The following DCBLD1 variants were observed in gnomAD, a reference collection of about 807,000 sequenced individuals.
DCBLD1 encodes the protein discoidin, CUB and LCCL domain-containing protein 1.
In DCBLD1, 57 loss-of-function variants were observed where a neutral mutation model predicts 71.5. The observed-to-expected ratio is 0.80, with a 90% CI of 0.64 to 0.99. The LOEUF (loss-of-function observed/expected upper bound fraction) is 0.99. Ranked by LOEUF, DCBLD1 falls within the 50% of genes least tolerant of loss-of-function variation. DCBLD1 has a pLI of 0.00. For missense variants in DCBLD1, 891 were observed against 923.5 expected (o/e 0.96, Z 0.46); for synonymous variants, 380 against 363.8 (o/e 1.04, Z -0.51).
At chr6:117,527,819 T>C (rs1490907817) in intron 5 of DCBLD1, among the ~76,000 whole-genome samples, 1 of 152,088 alleles carries the variant, frequency 6.6e-6, no homozygotes, top group African/African-American at 2.4e-5. Context: ...AAAGTCCTTT[T>C]TGAATTTTTG....
intron 1 of DCBLD1, among the ~76,000 whole-genome samples, chr6:117,497,945 T>C (rs1380299822): frequency 1.3e-5 from 2 of 152,224 alleles, no homozygotes; most frequent in African/African-American, 4.8e-5. Flanking sequence ...GTAAACACTT[T>C]AAATATTACA....
chr6:117,511,768 C>G (rs1778031237), intron 2 of DCBLD1, among the ~76,000 whole-genome samples: 1 of 152,052 alleles, frequency 6.6e-6, no homozygotes, highest in Non-Finnish European at 1.5e-5. Flanking sequence ...GTTTATATGT[C>G]TCTCAGACAT....
chr6:117,549,916 G>C (rs1049768933), downstream of DCBLD1: 13 of 936,460 alleles, frequency 1.4e-5, no homozygotes, highest in African/African-American at 1.8e-5. Flanking sequence ...TGCCAGATTA[G>C]GCCAGACCCC....
In DCBLD1 at chr6:117,548,545, T is replaced by TGTA; in HGVS notation, c.*107_*109dup. 1 of 1,496,426 alleles carries TGTA rather than the reference T, an allele frequency of 6.7e-7. No homozygotes were observed. Among genetic ancestry groups the TGTA allele is most frequent in the Non-Finnish European group, 8.9e-7 (1 of 1,127,880 alleles). 92.7% of individuals were successfully genotyped at this position (1,496,426 alleles called of 1,614,324 possible). A position where few individuals can be genotyped will look rare whatever the true frequency, so the allele number is the denominator to read the frequency against. ...GAGTGTGCGTGTGTATCGGTGTGTGTGTACACTTGCATGTGTGTGTGTGAT... is the reference window on the plus strand; with the variant it reads ...GAGTGTGCGTGTGTATCGGTGTGTGTGTAGTACACTTGCATGTGTGTGTGTGAT... On this transcript the variant is annotated 3_prime_UTR_variant, in exon 15 of 15. Transcript: ENST00000338728.
At chr6:117,518,832 G>GTGGGGACA (rs1418118676) in intron 2 of DCBLD1, among the ~76,000 whole-genome samples, 1 of 152,154 alleles carries the variant, frequency 6.6e-6, no homozygotes, top group Non-Finnish European at 1.5e-5. Flanking sequence ...TGAGATTTAG[G>GTGGGGACA]TGGGGACACA....
chr6:117,483,327 G>A (rs1582952133), intron 1 of DCBLD1, among the ~76,000 whole-genome samples: 1 of 152,350 alleles, frequency 6.6e-6, no homozygotes, highest in East Asian at 1.9e-4. Flanking sequence ...TCCTCGGCCG[G>A]CGCTGGGCCC....
At chr6:117,560,420 A>C (rs959566990) in intron 14 of DCBLD1, 1 of 188,758 alleles carries the variant, frequency 5.3e-6, no homozygotes, top group African/African-American at 2.3e-5. Flanking sequence ...ATTTGAGGCC[A>C]ACCATAAGTG....
intron 3 of DCBLD1, 80 bp downstream of exon 3, chr6:117,520,030 C>T (rs1460298033): frequency 6.3e-7 from 1 of 1,582,184 alleles, no homozygotes; most frequent in East Asian, 2.3e-5. Context: ...CATCCCTGGA[C>T]ATAATTGTGG....
chr6:117,513,233 A>G (rs1778081045), intron 2 of DCBLD1, among the ~76,000 whole-genome samples: 1 of 152,176 alleles, frequency 6.6e-6, no homozygotes, highest in Non-Finnish European at 1.5e-5. Flanking sequence ...TTATTCACAC[A>G]TGGAAAGATA....
At chr6:117,563,971 T>C (rs957578310) in intron 14 of DCBLD1, among the ~76,000 whole-genome samples, 2 of 145,110 alleles carry the variant, frequency 1.4e-5, no homozygotes, top group Non-Finnish European at 3.1e-5. Context: ...TTTCCTTTCC[T>C]TTTTTTTTTT....
At chr6:117,505,225 G>A (rs1777799107) in intron 2 of DCBLD1, among the ~76,000 whole-genome samples, 1 of 152,154 alleles carries the variant, frequency 6.6e-6, no homozygotes, top group African/African-American at 2.4e-5. Flanking sequence ...CAAATGGGCA[G>A]GATGACACTT....
At chr6:117,508,640 A>T (rs1214363437) in intron 2 of DCBLD1, among the ~76,000 whole-genome samples, 1 of 152,150 alleles carries the variant, frequency 6.6e-6, no homozygotes. Context: ...ATTTGAATTT[A>T]CTCAGAGGTT....
At chr6:117,486,012 TTAAAC>T (rs533779685) in intron 1 of DCBLD1, among the ~76,000 whole-genome samples, 450 of 152,368 alleles carry the variant, frequency 3.0e-3, no homozygotes, top group Non-Finnish European at 5.2e-3. Context: ...AAAAAATTCA[TTAAAC>T]AAATCAAATG....
chr6:117,510,571 G>A (rs527702199), intron 2 of DCBLD1, among the ~76,000 whole-genome samples: 3 of 152,252 alleles, frequency 2.0e-5, no homozygotes, highest in Non-Finnish European at 2.9e-5. Flanking sequence ...CAGGAATTAC[G>A]TTTTATTCAT....
At chr6:117,535,507 G>A (rs995163313) in intron 6 of DCBLD1, among the ~76,000 whole-genome samples, 14 of 151,970 alleles carry the variant, frequency 9.2e-5, no homozygotes, top group African/African-American at 3.4e-4. Context: ...TTCTTTAAGT[G>A]GTCTGTATTT....
rs1583026855 is a variant in DCBLD1 at position 117,540,580 on chromosome 6, G to C, written c.1102-88G>C. 25 of 1,500,082 alleles carry C rather than the reference G, an allele frequency of 1.7e-5. No individual in the cohort carries two copies. The East Asian group carries it at 5.7e-4, about 34-fold the overall frequency. The allele number at this position is 1,500,082 out of a possible 1,614,324, so 92.9% of individuals were successfully genotyped here. ...GCAACCGACATAGAATCCTTGCCTT[G>C]GTTTCATATAACCAGGTATAAGTGG... On this transcript the variant is annotated intron_variant, in intron 9 of 14. Coordinates refer to ENST00000338728, the MANE Select transcript of DCBLD1 (RefSeq NM_001366458.2).
intron 1 of DCBLD1, among the ~76,000 whole-genome samples, chr6:117,498,824 G>A (rs895478332): frequency 3.9e-5 from 6 of 152,020 alleles, no homozygotes; most frequent in Admixed American, 1.3e-4. Flanking sequence ...CAAAAAAATG[G>A]CATTTTCTTA....
intron 14 of DCBLD1, chr6:117,562,625 T>G (rs184840738): frequency 7.7e-4 from 157 of 203,376 alleles, no homozygotes; most frequent in Non-Finnish European, 1.5e-3. Flanking sequence ...CAGCATTGAT[T>G]GATAAAAGAC....
intron 14 of DCBLD1, chr6:117,561,694 A>C (rs1779587300): frequency 4.9e-6 from 1 of 205,214 alleles, no homozygotes; most frequent in African/African-American, 2.3e-5. Context: ...CAATGCTATA[A>C]AGTATTTTAA....
Sources: gnomAD v4.1 joint callset for allele counts (sites outside exome capture counted in the v4.1 genomes callset) on GRCh38, gnomAD v4.1.1 for gene constraint, MANE v1.5 for transcripts, NCBI Gene and HGNC (gene_info 2026-07-23, HGNC 2026-07-21) for gene names.